The following LPP variants were observed in gnomAD, a reference collection of about 807,000 sequenced individuals.
LPP encodes lipoma-preferred partner.
In LPP, 38 loss-of-function variants were observed where a neutral mutation model predicts 60.4. The observed-to-expected ratio is 0.63, with a 90% CI of 0.49 to 0.83. LPP has a LOEUF of 0.83. LPP is among the 40% of genes least tolerant of loss of function. The probability of loss-of-function intolerance (pLI) is 0.00; values close to 1 mark genes in which losing one functional copy is unlikely to be tolerated. For missense variants in LPP, 902 were observed against 783.6 expected (o/e 1.15, Z -1.80); for synonymous variants, 328 against 290.8 (o/e 1.13, Z -1.30).
chr3:188,569,761 G>T (rs1833082673), intron 6 of LPP, among the ~76,000 whole-genome samples: 1 of 152,004 alleles, frequency 6.6e-6, no homozygotes, highest in Non-Finnish European at 1.5e-5. Flanking sequence ...GTATGAATTG[G>T]CCACTAAAGG....
chr3:188,513,009 A>G, intron 5 of LPP, among the ~76,000 whole-genome samples: 1 of 152,204 alleles, frequency 6.6e-6, no homozygotes, highest in Non-Finnish European at 1.5e-5. Context: ...CACATATGAA[A>G]GTTTTCTTAA....
At chr3:188,724,805 A>G (rs140139049) in intron 8 of LPP, among the ~76,000 whole-genome samples, 1 of 152,278 alleles carries the variant, frequency 6.6e-6, no homozygotes, top group Non-Finnish European at 1.5e-5. Flanking sequence ...ATCCATGCCT[A>G]TGGCATCTTC....
chr3:188,486,032 ATTATT>A lies in LPP; in HGVS notation c.306+1331_306+1335del, dbSNP rs1806406267. Among the ~76,000 whole-genome samples, 5 of 152,154 alleles carry A rather than the reference ATTATT, an allele frequency of 3.3e-5. No individual in the cohort carries two copies. In the South Asian group the frequency reaches 1.0e-3, roughly 32 times the overall value. ...TTAATTTTATCATTTGTTTTACAGTATTATTTTTTCATTTTAATTTTTGTAGCTAC... is the reference window on the plus strand; with the variant it reads ...TTAATTTTATCATTTGTTTTACAGTATTTTCATTTTAATTTTTGTAGCTAC... On this transcript the variant is annotated intron_variant, in intron 5 of 11. Transcript: ENST00000617246.
At chr3:188,554,540 G>T (rs1325748778) in intron 6 of LPP, among the ~76,000 whole-genome samples, 1 of 152,192 alleles carries the variant, frequency 6.6e-6, no homozygotes, top group Non-Finnish European at 1.5e-5. Flanking sequence ...CAGCAGATCA[G>T]TGGCTCTGCC....
At chr3:188,827,710 G>C (rs186029722) in intron 9 of LPP, among the ~76,000 whole-genome samples, 1 of 151,998 alleles carries the variant, frequency 6.6e-6, no homozygotes, top group African/African-American at 2.4e-5. Context: ...GGGGTAGGGG[G>C]AAGATTCCTT....
intron 4 of LPP, among the ~76,000 whole-genome samples, chr3:188,423,293 G>A (rs569344110): frequency 6.6e-6 from 1 of 152,264 alleles, no homozygotes; most frequent in African/African-American, 2.4e-5. Context: ...TTTTATGGCT[G>A]CATAGTATTC....
At position 188,883,623 on chromosome 3, in the gene LPP, C is replaced by G. The variant is rs1377790271; in HGVS notation, c.*9144C>G. ...TGGCGGGCGCCTGTAGTCCCAACTA[C>G]TTGGGAGGCTGAGGCAGGAGAATCA... On this transcript the variant is annotated 3_prime_UTR_variant, in exon 12 of 12. Coordinates refer to ENST00000617246, the MANE Select transcript of LPP (RefSeq NM_001375462.1). 5.8e-6 allele frequency: 1 copy of G among 173,260 alleles called. No individual in the cohort carries two copies. The highest frequency in any genetic ancestry group is 9.9e-5 in the East Asian group (1 of 10,134). 10.7% of individuals were successfully genotyped at this position (173,260 alleles called of 1,614,324 possible).
At chr3:188,288,773 C>T (rs1338239978) in intron 2 of LPP, among the ~76,000 whole-genome samples, 1 of 151,414 alleles carries the variant, frequency 6.6e-6, no homozygotes, top group Non-Finnish European at 1.5e-5. Context: ...CTCTTGATGC[C>T]AAATAGCCTC....
intron 3 of LPP, among the ~76,000 whole-genome samples, chr3:188,347,834 C>G (rs927721322): frequency 2.0e-5 from 3 of 152,172 alleles, no homozygotes; most frequent in African/African-American, 7.2e-5. Context: ...AATGGCAGTA[C>G]CTTCACCTTG....
At chr3:188,260,514 C>T (rs1733204925) in intron 2 of LPP, among the ~76,000 whole-genome samples, 2 of 151,942 alleles carry the variant, frequency 1.3e-5, no homozygotes, top group Admixed American at 6.6e-5. Context: ...TATTAATCAC[C>T]ATTGTCACTG....
At chr3:188,531,768 C>T (rs1354552311) in intron 6 of LPP, among the ~76,000 whole-genome samples, 1 of 152,068 alleles carries the variant, frequency 6.6e-6, no homozygotes, top group Non-Finnish European at 1.5e-5. Context: ...TTATCGTATC[C>T]TCTATAATAA....
intron 3 of LPP, among the ~76,000 whole-genome samples, chr3:188,363,702 C>G (rs1021292835): frequency 6.6e-6 from 1 of 152,072 alleles, no homozygotes; most frequent in South Asian, 2.1e-4. Flanking sequence ...GTCAGGAGTT[C>G]AAGACCAGCC....
chr3:188,688,682 A>G (rs1861407355), intron 7 of LPP: 1 of 433,524 alleles, frequency 2.3e-6, no homozygotes, highest in South Asian at 1.7e-5. Context: ...GAAGGGCAAC[A>G]TCTAAATATG....
intron 7 of LPP, among the ~76,000 whole-genome samples, chr3:188,646,301 C>T (rs1404951353): frequency 6.6e-6 from 1 of 152,086 alleles, no homozygotes; most frequent in African/African-American, 2.4e-5. Context: ...TCACCTGGAG[C>T]ATAATATGGT....
chr3:188,729,822 GA>G (rs201767392), intron 8 of LPP, among the ~76,000 whole-genome samples: 278 of 137,432 alleles, frequency 2.0e-3, no homozygotes, highest in African/African-American at 3.7e-3. Flanking sequence ...TACAAAAAGT[GA>G]AAAAAAAAAA....
At chr3:188,384,330 A>G (rs74788824) in intron 3 of LPP, among the ~76,000 whole-genome samples, 58 of 148,908 alleles carry the variant, frequency 3.9e-4, no homozygotes, top group Middle Eastern at 6.8e-3. Context: ...ATGTATGTGC[A>G]TGTGTGTGTG....
intron 4 of LPP, among the ~76,000 whole-genome samples, chr3:188,455,497 C>T (rs1797533556): frequency 6.6e-6 from 1 of 152,108 alleles, no homozygotes; most frequent in Non-Finnish European, 1.5e-5. Flanking sequence ...TCCTTAATTT[C>T]CTTGATTGGC....
intron 7 of LPP, among the ~76,000 whole-genome samples, chr3:188,626,926 TA>T (rs1364082966): frequency 6.6e-6 from 1 of 151,476 alleles, no homozygotes; most frequent in Non-Finnish European, 1.5e-5. Flanking sequence ...AAAATCACAT[TA>T]ATAAAAGCTA....
In LPP at chr3:188,886,653, TTCG is replaced by T. The variant is rs966502454; in HGVS notation, c.*12176_*12178del. The T allele has an allele frequency of 3.2e-5, 7 of 219,786 alleles. No individual in the cohort carries two copies. The highest frequency in any genetic ancestry group is 1.6e-4 in the African/African-American group (7 of 44,148). 13.6% of individuals were successfully genotyped at this position (219,786 alleles called of 1,614,324 possible). On this transcript the variant is annotated 3_prime_UTR_variant, in exon 12 of 12. Coordinates refer to ENST00000617246, the MANE Select transcript of LPP (RefSeq NM_001375462.1). ...TATAAAGAAAAAACTAATAAAAATT[TTCG>T]TATTTCACTTTACATAATATGTTCT...
Sources: gnomAD v4.1 joint callset for allele counts (sites outside exome capture counted in the v4.1 genomes callset) on GRCh38, gnomAD v4.1.1 for gene constraint, MANE v1.5 for transcripts, NCBI Gene and HGNC (gene_info 2026-07-23, HGNC 2026-07-21) for gene names.